Variants in SLC4A8 observed in about 807,000 individuals in gnomAD.
SLC4A8 encodes solute carrier family 4 member 8, also known as electroneutral sodium bicarbonate exchanger 1.
In SLC4A8, 40 loss-of-function variants were observed where a neutral mutation model predicts 125.0. That is an observed-to-expected ratio of 0.32 (90% CI 0.25 to 0.42). SLC4A8 has a LOEUF of 0.42. SLC4A8 is among the 10% of genes least tolerant of loss of function. The pLI, the probability that SLC4A8 is intolerant of heterozygous loss-of-function variation, is 1.00. For synonymous variants in SLC4A8, 456 were observed against 476.0 expected (o/e 0.96, Z 0.55); for missense variants, 863 against 1,355.1 (o/e 0.64, Z 5.70).
intron 1 of SLC4A8, among the ~76,000 whole-genome samples, chr12:51,411,689 G>C (rs1393034703): frequency 6.6e-6 from 1 of 151,926 alleles, no homozygotes; most frequent in Non-Finnish European, 1.5e-5. Flanking sequence ...ATTTATGTAT[G>C]TAATTATTTA....
chr12:51,491,778 C>CA (rs3028941), intron 19 of SLC4A8, among the ~76,000 whole-genome samples: 1 of 150,260 alleles, frequency 6.7e-6, no homozygotes. Flanking sequence ...CACACACACA[C>CA]CCCTCTTTAA....
At chr12:51,405,595 T>G (rs1356656885) in intron 1 of SLC4A8, among the ~76,000 whole-genome samples, 1 of 152,202 alleles carries the variant, frequency 6.6e-6, no homozygotes, top group African/African-American at 2.4e-5. Context: ...AGGGTCTTGC[T>G]ATGTTTCCCA....
chr12:51,493,658 T>C, intron 19 of SLC4A8, 46 bp from the exon 20 acceptor site: 2 of 1,253,328 alleles, frequency 1.6e-6, no homozygotes, highest in South Asian at 2.4e-5. Flanking sequence ...GAGTGTGCTA[T>C]GATACCAAAT....
chr12:51,419,150 ACCCAGCT>A (rs1439393409), intron 1 of SLC4A8, among the ~76,000 whole-genome samples: 1 of 152,166 alleles, frequency 6.6e-6, no homozygotes, highest in African/African-American at 2.4e-5. Context: ...GTAGTTCTTG[ACCCAGCT>A]CTGCTATTAA....
intron 1 of SLC4A8, among the ~76,000 whole-genome samples, chr12:51,438,911 CT>C (rs1565776234): frequency 6.6e-6 from 1 of 152,010 alleles, no homozygotes; most frequent in East Asian, 1.9e-4. Flanking sequence ...TATTTGTTGA[CT>C]ATTTGTTTGT....
At chr12:51,414,857 A>G (rs897303527) in intron 1 of SLC4A8, among the ~76,000 whole-genome samples, 13 of 152,146 alleles carry the variant, frequency 8.5e-5, no homozygotes, top group African/African-American at 3.1e-4. Context: ...ATATGTTGAG[A>G]GCTTTTATCA....
At chr12:51,506,049 G>A in intron 24 of SLC4A8, 119 bp downstream of exon 24, 2 of 608,190 alleles carry the variant, frequency 3.3e-6, no homozygotes, top group Non-Finnish European at 5.9e-6. Context: ...GCACTTCCAG[G>A]AACTGCCGCT....
rs772390084 is a variant in SLC4A8, at chr12:51,471,199, T to C, written c.1659-88T>C. 7.0e-5 allele frequency: 90 copies of C among 1,285,458 alleles called. No individual in the cohort carries two copies. In the African/African-American group the frequency reaches 1.0e-3, roughly 14 times the overall value. 79.6% of individuals were successfully genotyped at this position (1,285,458 alleles called of 1,614,324 possible). A position where few individuals can be genotyped will look rare whatever the true frequency, so the allele number is the denominator to read the frequency against. On this transcript the variant is annotated intron_variant, in intron 13 of 24. Coordinates refer to ENST00000453097, the MANE Select transcript of SLC4A8 (RefSeq NM_001039960.3). ...GATAAACTGGGTTCCAGTGCTTGTT[T>C]AGATGAAATGAATTAACCACATTTC...
At chr12:51,477,897 G>A (rs564964710) in intron 16 of SLC4A8, among the ~76,000 whole-genome samples, 10 of 152,332 alleles carry the variant, frequency 6.6e-5, no homozygotes, top group African/African-American at 2.2e-4. Context: ...AAGGGAGGCC[G>A]AGGTAGGTGG....
intron 10 of SLC4A8, among the ~76,000 whole-genome samples, chr12:51,463,410 G>T (rs553821823): frequency 3.5e-5 from 5 of 144,028 alleles, no homozygotes; most frequent in Non-Finnish European, 7.6e-5. Flanking sequence ...GAAATTATGG[G>T]GTGTGTGTGT....
Position 51,459,640 on chromosome 12 carries a change from C to T in SLC4A8, c.856-311C>T, listed in dbSNP as rs187924249. On this transcript the variant is annotated intron_variant, in intron 7 of 24. Transcript: ENST00000453097. Reference sequence around the variant, plus strand: ...ATCTCAGCACTTTTGGAGGCTGAGGCGGGTGGATCACATGAGGCCAGGAGT... The same window carrying T: ...ATCTCAGCACTTTTGGAGGCTGAGGTGGGTGGATCACATGAGGCCAGGAGT... Among the ~76,000 whole-genome samples the T allele has an allele frequency of 1.3e-4, 20 of 152,096 alleles. 1 individual carries two copies. Among genetic ancestry groups the T allele is most frequent in the Admixed American group, 8.5e-4 (13 of 15,280 alleles).
intron 17 of SLC4A8, 29 bp from the exon 18 acceptor site, chr12:51,488,670 A>G: frequency 6.3e-7 from 1 of 1,593,170 alleles, no homozygotes; most frequent in South Asian, 1.1e-5. Context: ...ATAACTTAAA[A>G]TACAAAAATA....
chr12:51,507,108 A>G (rs1013235127), intron 24 of SLC4A8, among the ~76,000 whole-genome samples: 5 of 152,220 alleles, frequency 3.3e-5, no homozygotes, highest in African/African-American at 4.8e-5. Flanking sequence ...AGGCTGCTCC[A>G]AGGAGAAACT....
chr12:51,423,501 AG>A (rs1421364711), upstream of SLC4A8, among the ~76,000 whole-genome samples: 1 of 152,196 alleles, frequency 6.6e-6, no homozygotes, highest in Non-Finnish European at 1.5e-5. Context: ...GAGACTAGAC[AG>A]GAGGCTTATA....
Position 51,463,647 on chromosome 12 carries a change from A to C in SLC4A8, c.1282A>C (p.Asn428His), listed in dbSNP as rs1950422285. ...GAAAATGCCTGGAGTTCCAAATGGA[A>C]ATGTTTGCCACATAGAACAGGAACC... ...KRKMPGVPNG[N>H]VCHIEQEPHG... The change falls in exon 11 of 25, where the codon AAT becomes CAT. Residue 428 changes from asparagine (N) to histidine (H), a missense_variant. Coordinates refer to ENST00000453097, the MANE Select transcript of SLC4A8 (RefSeq NM_001039960.3). 1 of 1,613,960 alleles carries C rather than the reference A, an allele frequency of 6.2e-7. No homozygotes were observed. Among genetic ancestry groups the C allele is most frequent in the Non-Finnish European group, 8.5e-7 (1 of 1,179,932 alleles).
chr12:51,505,012 T>G (rs891852960), intron 23 of SLC4A8, among the ~76,000 whole-genome samples: 1 of 152,242 alleles, frequency 6.6e-6, no homozygotes, highest in Non-Finnish European at 1.5e-5. Context: ...AAGAATTTAC[T>G]GCTGCATCAC....
chr12:51,512,624 G>T lies in SLC4A8; in HGVS notation c.*5186G>T, dbSNP rs910782676. 1 of 152,310 alleles carries T rather than the reference G, an allele frequency of 6.6e-6. No individual in the cohort carries two copies. Among genetic ancestry groups the T allele is most frequent in the Non-Finnish European group, 1.5e-5 (1 of 68,204 alleles). The allele number at this position is 152,310 out of a possible 1,614,324, so 9.4% of individuals were successfully genotyped here. On this transcript the variant is annotated 3_prime_UTR_variant, in exon 25 of 25. Coordinates refer to ENST00000453097, the MANE Select transcript of SLC4A8 (RefSeq NM_001039960.3). ...GGGGTAGGAAATGAGTAGTGGTGAA[G>T]CAGCAGCAGTGTGTGTGTGGGTGTG... is the stretch of plus-strand genomic sequence containing the variant.
chr12:51,440,670 A>ATATTTGAATAAT (rs769442821), intron 1 of SLC4A8, 38 bp from the exon 2 acceptor site: 2 of 1,485,382 alleles, frequency 1.3e-6, no homozygotes, highest in African/African-American at 2.8e-5. Context: ...TGAACGAGGT[A>ATATTTGAATAAT]TGTGTATTAC....
chr12:51,451,352 G>T (rs911312114), intron 3 of SLC4A8, among the ~76,000 whole-genome samples: 3 of 152,076 alleles, frequency 2.0e-5, no homozygotes, highest in Admixed American at 6.6e-5. Flanking sequence ...CTCGTGATCC[G>T]CCTGCCTTGA....
Sources: allele counts gnomAD v4.1 joint callset (sites outside exome capture counted in the v4.1 genomes callset), GRCh38; gene constraint gnomAD v4.1.1; transcripts MANE v1.5; gene names NCBI Gene and HGNC (gene_info 2026-07-23, HGNC 2026-07-21).